DCAF4: variants seen among roughly 807,000 people sequenced by gnomAD.
DCAF4 encodes the protein DDB1- and CUL4-associated factor 4.
In DCAF4, 37 loss-of-function variants were observed where a neutral mutation model predicts 60.9. The ratio of observed to expected loss-of-function variants is 0.61; its 90% CI spans 0.47 to 0.80. DCAF4 has a LOEUF of 0.80. DCAF4 is among the 30% of genes least tolerant of loss of function. The pLI is 0.00. For synonymous variants in DCAF4, 243 were observed against 254.8 expected, an observed-to-expected ratio of 0.95 and a Z score of 0.44; for missense variants, 577 against 650.0, an observed-to-expected ratio of 0.89 and a Z score of 1.22.
In DCAF4 at chr14:72,940,284, C is replaced by T; in HGVS notation, c.258C>T (p.Asn86=). 1.2e-6 allele frequency: 2 copies of T among 1,614,196 alleles called. No individual in the cohort carries two copies. ...ACTTCCGCTTGCTCCCTGGACATAA[C>T]AACTGCAACCCCCTGACGAAAGAGA... ...KRYFRLLPGH[N]NCNPLTKESI... is the part of the protein sequence containing the mutation. The change falls in exon 4 of 14, where the codon AAC becomes AAT. Residue 86 remains asparagine, a synonymous_variant. Transcript: ENST00000358377.
At chr14:72,951,758 G>A in intron 8 of DCAF4, 40 bp from the exon 9 acceptor site, 1 of 1,601,180 alleles carries the variant, frequency 6.2e-7, no homozygotes, top group Non-Finnish European at 8.6e-7. Flanking sequence ...CCTCCCAGAG[G>A]GGAGCCTTGT....
chr14:72,941,861 A>G (rs777205793), intron 5 of DCAF4, 37 bp downstream of exon 5: 1 of 1,596,524 alleles, frequency 6.3e-7, no homozygotes, highest in Non-Finnish European at 8.6e-7. Context: ...TTCTTCATGA[A>G]TGTTCTTTTC....
At chr14:72,945,793 C>A in intron 6 of DCAF4, 91 bp from the exon 7 acceptor site, 1 of 1,532,930 alleles carries the variant, frequency 6.5e-7, no homozygotes, top group Non-Finnish European at 8.9e-7. Flanking sequence ...ATGCACAGAG[C>A]ATGGGGGCCA....
At chr14:72,943,941 G>A (rs529867370) in intron 6 of DCAF4, among the ~76,000 whole-genome samples, 3 of 152,224 alleles carry the variant, frequency 2.0e-5, no homozygotes, top group Non-Finnish European at 4.4e-5. Flanking sequence ...CCATGTAAGG[G>A]GTGTTGGGGA....
chr14:72,949,075 G>A (rs1891089748), intron 8 of DCAF4, among the ~76,000 whole-genome samples: 1 of 152,132 alleles, frequency 6.6e-6, no homozygotes, highest in African/African-American at 2.4e-5. Flanking sequence ...TTCAGCACCT[G>A]GTATATCCTG....
At chr14:72,949,638 C>T (rs150737233) in intron 8 of DCAF4, among the ~76,000 whole-genome samples, 80 of 152,050 alleles carry the variant, frequency 5.3e-4, no homozygotes, top group Admixed American at 2.1e-3. Context: ...ACCCGTAATC[C>T]CAGCTATTCG....
chr14:72,935,431 T>C (rs549176539), intron 1 of DCAF4, among the ~76,000 whole-genome samples: 4 of 152,326 alleles, frequency 2.6e-5, no homozygotes, highest in Admixed American at 1.3e-4. Flanking sequence ...ACTGTTGTAC[T>C]TTTAGTAGAG....
At chr14:72,947,253 A>G in intron 8 of DCAF4, 62 bp downstream of exon 8, 1 of 1,579,804 alleles carries the variant, frequency 6.3e-7, no homozygotes, top group Non-Finnish European at 8.7e-7. Flanking sequence ...GGACCTGGGT[A>G]TCTGTGGGCT....
intron 6 of DCAF4, among the ~76,000 whole-genome samples, chr14:72,944,045 C>T (rs541790191): frequency 1.8e-4 from 27 of 152,300 alleles, no homozygotes; most frequent in African/African-American, 6.3e-4. Context: ...GTGGTTGGTT[C>T]CCCTCAGCAG....
At chr14:72,938,491 C>T (rs927845594) in intron 2 of DCAF4, among the ~76,000 whole-genome samples, 1 of 152,180 alleles carries the variant, frequency 6.6e-6, no homozygotes, top group African/African-American at 2.4e-5. Flanking sequence ...ACTCATGCTT[C>T]GCTTAACAAG....
At chr14:72,939,738 C>G in intron 2 of DCAF4, 64 bp from the exon 3 acceptor site, 1 of 1,427,656 alleles carries the variant, frequency 7.0e-7, no homozygotes, top group Non-Finnish European at 9.6e-7. Flanking sequence ...GGACTCCCTG[C>G]CCCCGTCAGA....
chr14:72,945,985 C>T lies in DCAF4; in HGVS notation c.636C>T (p.Leu212=). The change falls in exon 7 of 14, where the codon CTC becomes CTT. Residue 212 remains leucine (L), a synonymous_variant. Coordinates refer to ENST00000358377, the MANE Select transcript of DCAF4 (RefSeq NM_015604.4). ...INLQSLKTPT[L]KVFMHENLYF... ...TGCAAAGTCTGAAGACCCCTACGCT[C>T]AAGGTGTTCATGCACGAAAACCTCT... 1 of 1,614,172 alleles carries T rather than the reference C, an allele frequency of 6.2e-7. No homozygotes were observed.
Position 72,959,165 on chromosome 14 carries a change from G to A in DCAF4, c.*360G>A, listed in dbSNP as rs1892668395. On this transcript the variant is annotated 3_prime_UTR_variant, in exon 14 of 14. Transcript: ENST00000358377. ...CTTCCTCCAAGAGCCCATTGAAGAAGCCCAGTGATGAGACGGTGAGATGGT... is the reference window on the plus strand; with the variant it reads ...CTTCCTCCAAGAGCCCATTGAAGAAACCCAGTGATGAGACGGTGAGATGGT... 1 of 1,002,412 alleles carries A rather than the reference G, an allele frequency of 1.0e-6. No individual in the cohort carries two copies. Among genetic ancestry groups the A allele is most frequent in the African/African-American group, 1.7e-5 (1 of 57,834 alleles). The allele number at this position is 1,002,412 out of a possible 1,614,324, so 62.1% of individuals were successfully genotyped here.
chr14:72,929,550 A>T (rs550800603), intron 1 of DCAF4: 16 of 849,470 alleles, frequency 1.9e-5, no homozygotes, highest in East Asian at 1.1e-4. Flanking sequence ...AATATTTTTT[A>T]TTTTTATTTT....
intron 1 of DCAF4, among the ~76,000 whole-genome samples, chr14:72,930,267 G>C (rs993442051): frequency 1.3e-5 from 2 of 150,012 alleles, no homozygotes; most frequent in Non-Finnish European, 3.0e-5. Flanking sequence ...TTGAGACGGA[G>C]TTTTTTTTGT....
At chr14:72,930,241 T>C (rs888835468) in intron 1 of DCAF4, among the ~76,000 whole-genome samples, 7 of 107,628 alleles carry the variant, frequency 6.5e-5, no homozygotes, top group Non-Finnish European at 1.5e-4. Context: ...TTTGTGTAGC[T>C]TTTTCTTTTT....
intron 1 of DCAF4, among the ~76,000 whole-genome samples, chr14:72,929,444 G>C (rs909905091): frequency 6.6e-6 from 1 of 152,246 alleles, no homozygotes; most frequent in East Asian, 1.9e-4. Flanking sequence ...GCTCACGCCT[G>C]TCATCCCAAC....
rs1488511395 is a variant in DCAF4 at position 72,939,784 on chromosome 14, ACAGCTGTGT to A, written c.93-17_93-9del. On this transcript the variant is annotated splice_polypyrimidine_tract_variant and intron_variant, in intron 2 of 13. Transcript: ENST00000358377. ...CTCAAGTCCTGGGCTGCAAGTTAAC[ACAGCTGTGT>A]GTCAACAGGTCTGACTCCCGGGCAG... The A allele has an allele frequency of 6.2e-7, 1 of 1,601,538 alleles. No individual in the cohort carries two copies. Among genetic ancestry groups the A allele is most frequent in the Non-Finnish European group, 8.5e-7 (1 of 1,173,696 alleles).
downstream of DCAF4, chr14:72,960,566 A>G: frequency 9.6e-7 from 1 of 1,039,638 alleles, no homozygotes; most frequent in African/African-American, 1.7e-5. Flanking sequence ...ATTGTGGCTG[A>G]CAGTCTTCTG....
Sources: gnomAD v4.1 joint callset for allele counts (sites outside exome capture counted in the v4.1 genomes callset) on GRCh38, gnomAD v4.1.1 for gene constraint, MANE v1.5 for transcripts, NCBI Gene and HGNC (gene_info 2026-07-23, HGNC 2026-07-21) for gene names.